Variants in MSI2 observed in about 807,000 individuals in gnomAD.
The protein encoded by MSI2 is RNA-binding protein Musashi homolog 2.
A neutral mutation model predicts 45.6 loss-of-function variants in MSI2; 17 were observed. The ratio of observed to expected loss-of-function variants is 0.37; its 90% CI spans 0.26 to 0.56. The LOEUF (loss-of-function observed/expected upper bound fraction) is 0.56, where lower values mean the gene tolerates loss of function less well. Ranked by LOEUF, MSI2 falls within the 20% of genes least tolerant of loss-of-function variation. The pLI is 0.77. For missense variants in MSI2, 293 were observed against 444.2 expected (o/e 0.66, Z 3.06); for synonymous variants, 156 against 158.2 (o/e 0.99, Z 0.11).
intron 11 of MSI2, among the ~76,000 whole-genome samples, chr17:57,667,980 C>T (rs1245172330): frequency 2.0e-5 from 3 of 152,286 alleles, no homozygotes; most frequent in Non-Finnish European, 1.5e-5. Context: ...GGGTGGATCA[C>T]CTGAGGTCAG....
At chr17:57,347,552 TTC>T (rs1567772145) in intron 5 of MSI2, among the ~76,000 whole-genome samples, 2 of 152,214 alleles carry the variant, frequency 1.3e-5, no homozygotes, top group Non-Finnish European at 2.9e-5. Flanking sequence ...TGTCTTGCGT[TTC>T]TCTCTCAGCA....
intron 10 of MSI2, chr17:57,632,929 C>T (rs886416477): frequency 2.8e-6 from 3 of 1,058,122 alleles, no homozygotes; most frequent in Non-Finnish European, 3.4e-6. Flanking sequence ...TTTTATTTTC[C>T]TGCAGGCTTT....
chr17:57,636,524 C>T (rs553331481), intron 10 of MSI2, among the ~76,000 whole-genome samples: 5 of 152,262 alleles, frequency 3.3e-5, no homozygotes, highest in East Asian at 3.9e-4. Context: ...CCCCGGGGTG[C>T]GCTCAGGGAG....
chr17:57,520,592 A>C (rs1215227394), intron 6 of MSI2, among the ~76,000 whole-genome samples: 3 of 152,210 alleles, frequency 2.0e-5, no homozygotes, highest in African/African-American at 7.2e-5. Flanking sequence ...AAAATGGTTA[A>C]AATGATAAAT....
intron 7 of MSI2, among the ~76,000 whole-genome samples, chr17:57,549,312 C>CTTTTTT (rs33917812): frequency 1.6e-5 from 2 of 124,288 alleles, no homozygotes; most frequent in South Asian, 2.7e-4. Flanking sequence ...CCCCACTGCC[C>CTTTTTT]TTTTTTTTTT....
intron 5 of MSI2, among the ~76,000 whole-genome samples, chr17:57,281,102 C>T (rs572734734): frequency 8.6e-4 from 131 of 151,892 alleles, no homozygotes; most frequent in Non-Finnish European, 1.7e-3. Flanking sequence ...GTGATGTTGG[C>T]AATATCATAC....
chr17:57,367,254 C>T lies in MSI2; in HGVS notation c.313-34125C>T, dbSNP rs145788605. ...GGCTTCACGCTTGGTGAACAAGATGCGTGGGTGTGTTTTTCTGAATTGTGA... is the reference window on the plus strand; with the variant it reads ...GGCTTCACGCTTGGTGAACAAGATGTGTGGGTGTGTTTTTCTGAATTGTGA... On this transcript the variant is annotated intron_variant, in intron 5 of 13. Transcript: ENST00000284073. Among the ~76,000 whole-genome samples the T allele has an allele frequency of 3.1e-3, 472 of 152,208 alleles. 2 individuals are homozygous for T. Among genetic ancestry groups the T allele is most frequent in the African/African-American group, 0.011 (447 of 41,536 alleles).
chr17:57,516,886 C>T (rs776006292), intron 6 of MSI2, among the ~76,000 whole-genome samples: 12 of 152,148 alleles, frequency 7.9e-5, no homozygotes, highest in Non-Finnish European at 1.6e-4. Context: ...CAACTGTACC[C>T]GCTGAATTGC....
At chr17:57,647,905 G>C (rs1307820223) in intron 10 of MSI2, among the ~76,000 whole-genome samples, 1 of 151,520 alleles carries the variant, frequency 6.6e-6, no homozygotes, top group African/African-American at 2.4e-5. Flanking sequence ...GCCTCCCAAA[G>C]TGCTAGGATT....
chr17:57,509,703 G>T (rs1158902947), intron 6 of MSI2, among the ~76,000 whole-genome samples: 6 of 152,092 alleles, frequency 3.9e-5, no homozygotes, highest in African/African-American at 1.4e-4. Flanking sequence ...TTACAGGCGT[G>T]AGCCACCATG....
chr17:57,616,916 G>A lies in MSI2; in HGVS notation c.652+832G>A, dbSNP rs150239639. Among the ~76,000 whole-genome samples the A allele has an allele frequency of 4.6e-5, 7 of 152,298 alleles. No individual in the cohort carries two copies. The East Asian group carries it at 1.3e-3, about 29-fold the overall frequency. ...TGTGTCAGGAAAATACTAATTAAGT[G>A]GGATAAATGGTAGTTAATGGTAAAA... On this transcript the variant is annotated intron_variant, in intron 9 of 13. Transcript: ENST00000284073.
chr17:57,347,557 T>G (rs792395), intron 5 of MSI2, among the ~76,000 whole-genome samples: 1 of 152,112 alleles, frequency 6.6e-6, no homozygotes, highest in African/African-American at 2.4e-5. Flanking sequence ...TGCGTTTCTC[T>G]CTCAGCATCA....
intron 10 of MSI2, among the ~76,000 whole-genome samples, chr17:57,645,081 C>A (rs1910550478): frequency 6.6e-6 from 1 of 152,230 alleles, no homozygotes; most frequent in Non-Finnish European, 1.5e-5. Context: ...TAACTAAAAA[C>A]AAAGACCCCA....
intron 5 of MSI2, among the ~76,000 whole-genome samples, chr17:57,321,152 C>T (rs1395247259): frequency 6.6e-6 from 1 of 151,926 alleles, no homozygotes; most frequent in Non-Finnish European, 1.5e-5. Flanking sequence ...CTGAGTACCC[C>T]TAAACCCTCC....
chr17:57,593,001 T>A (rs1490867127), intron 7 of MSI2, among the ~76,000 whole-genome samples: 2 of 152,174 alleles, frequency 1.3e-5, no homozygotes, highest in African/African-American at 4.8e-5. Context: ...CTGGCCTGTA[T>A]TCTAGGATCA....
intron 5 of MSI2, among the ~76,000 whole-genome samples, chr17:57,281,535 G>C (rs772920117): frequency 1.3e-5 from 2 of 152,098 alleles, no homozygotes; most frequent in African/African-American, 4.8e-5. Flanking sequence ...CTGGGTTCTC[G>C]GGGCTAATTC....
intron 6 of MSI2, among the ~76,000 whole-genome samples, chr17:57,413,313 G>A (rs556941707): frequency 6.6e-6 from 1 of 152,270 alleles, no homozygotes; most frequent in East Asian, 1.9e-4. Context: ...GCATAAAGAC[G>A]ACGATTCAGT....
chr17:57,286,526 T>C (rs1180856958), intron 5 of MSI2, among the ~76,000 whole-genome samples: 1 of 151,852 alleles, frequency 6.6e-6, no homozygotes, highest in Non-Finnish European at 1.5e-5. Flanking sequence ...ATTTCTGGAG[T>C]GTTTAAGAGG....
chr17:57,539,712 A>C (rs1244836565), intron 7 of MSI2, among the ~76,000 whole-genome samples: 1 of 142,072 alleles, frequency 7.0e-6, no homozygotes, highest in Admixed American at 7.1e-5. Context: ...ACAACGTGCT[A>C]TTATTAGAAT....
Sources: gnomAD v4.1 joint callset for allele counts (sites outside exome capture counted in the v4.1 genomes callset) on GRCh38, gnomAD v4.1.1 for gene constraint, MANE v1.5 for transcripts, NCBI Gene and HGNC (gene_info 2026-07-23, HGNC 2026-07-21) for gene names.